The following IPO8 variants were observed in gnomAD, a reference collection of about 807,000 sequenced individuals.
The protein encoded by IPO8 is importin-8.
Under a neutral mutation model 141.2 loss-of-function variants are expected in IPO8, and 65 were observed. That is an observed-to-expected ratio of 0.46 (90% CI 0.38 to 0.57). The LOEUF (loss-of-function observed/expected upper bound fraction) is 0.57. Ranked by LOEUF, IPO8 falls within the 20% of genes least tolerant of loss-of-function variation. The pLI, the probability that IPO8 is intolerant of heterozygous loss-of-function variation, is 0.00. For synonymous variants in IPO8, 411 were observed against 420.3 expected (o/e 0.98, Z 0.27); for missense variants, 980 against 1,246.8 (o/e 0.79, Z 3.22).
intron 2 of IPO8, among the ~76,000 whole-genome samples, chr12:30,689,289 T>G (rs2053269969): frequency 6.6e-6 from 1 of 152,156 alleles, no homozygotes; most frequent in Non-Finnish European, 1.5e-5. Flanking sequence ...TAAAATGTTA[T>G]TTCTTAAATG....
intron 15 of IPO8, 141 bp from the exon 16 acceptor site, chr12:30,661,407 A>C: frequency 1.7e-6 from 1 of 571,772 alleles, no homozygotes; most frequent in Non-Finnish European, 2.8e-6. Flanking sequence ...TGACTGAATC[A>C]TCTCTCTTCT....
At chr12:30,694,981 G>C (rs954880531) in intron 1 of IPO8, 1 of 455,888 alleles carries the variant, frequency 2.2e-6, no homozygotes, top group Non-Finnish European at 4.4e-6. Flanking sequence ...ATCTTACTTT[G>C]ATGTGTCTTA....
chr12:30,649,104 C>A (rs1591827071), intron 20 of IPO8, 33 bp downstream of exon 20: 1 of 1,405,860 alleles, frequency 7.1e-7, no homozygotes, highest in South Asian at 1.2e-5. Context: ...CAAATGTAAC[C>A]CTCAAGTAAG....
At chr12:30,639,111 T>TA (rs2052543348) in intron 21 of IPO8, among the ~76,000 whole-genome samples, 1 of 152,272 alleles carries the variant, frequency 6.6e-6, no homozygotes, top group African/African-American at 2.4e-5. Context: ...TGCAAAGAGT[T>TA]AAACATTCTG....
At position 30,674,766 on chromosome 12, in the gene IPO8, A is replaced by G. The variant is rs1304820866; in HGVS notation, c.730-13T>C. 2 of 1,545,004 alleles carry G rather than the reference A, an allele frequency of 1.3e-6. No individual in the cohort carries two copies. Among genetic ancestry groups the G allele is most frequent in the South Asian group, 2.2e-5 (2 of 89,680 alleles). ...TGTGCAGAGTCTCCTAACAGGACAA[A>G]ATTACCCAGATTAAAGTTCTGCATA... is the stretch of plus-strand genomic sequence containing the variant. On this transcript the variant is annotated splice_polypyrimidine_tract_variant and intron_variant, in intron 6 of 24. Transcript: ENST00000256079.
chr12:30,669,811 A>C (rs1360583453), intron 9 of IPO8, among the ~76,000 whole-genome samples: 1 of 152,168 alleles, frequency 6.6e-6, no homozygotes, highest in Non-Finnish European at 1.5e-5. Context: ...TCCCAAAAAA[A>C]CTAATTTCCT....
intron 16 of IPO8, among the ~76,000 whole-genome samples, chr12:30,658,109 T>C (rs1009356254): frequency 3.9e-5 from 6 of 152,198 alleles, no homozygotes; most frequent in Non-Finnish European, 8.8e-5. Context: ...ATCAAGTATA[T>C]TCTAATATTC....
chr12:30,651,832 T>G (rs1268651657), intron 19 of IPO8, among the ~76,000 whole-genome samples: 1 of 152,112 alleles, frequency 6.6e-6, no homozygotes, highest in Non-Finnish European at 1.5e-5. Context: ...TACCTACATC[T>G]AGTGACTTCC....
Position 30,629,659 on chromosome 12 carries a change from T to C in IPO8, c.*1201A>G, listed in dbSNP as rs1359512283. ...AACCCTATGACCCATGTTCTGGTCT[T>C]GAACTAGGTCAGAAAAACACTGTAA... On this transcript the variant is annotated 3_prime_UTR_variant, in exon 25 of 25. Transcript: ENST00000256079. The C allele has an allele frequency of 6.6e-6, 1 of 152,230 alleles. No homozygotes were observed. Among genetic ancestry groups the C allele is most frequent in the Non-Finnish European group, 1.5e-5 (1 of 68,048 alleles). The allele number at this position is 152,230 out of a possible 1,614,324, so 9.4% of individuals were successfully genotyped here. A position where few individuals can be genotyped will look rare whatever the true frequency, so the allele number is the denominator to read the frequency against.
intron 5 of IPO8, among the ~76,000 whole-genome samples, chr12:30,679,132 C>T (rs748998762): frequency 3.3e-5 from 5 of 152,300 alleles, no homozygotes; most frequent in Middle Eastern, 3.4e-3. Flanking sequence ...ACCCACTGCA[C>T]CCGGCTGCTC....
At chr12:30,684,163 T>C (rs1591844872) in intron 3 of IPO8, 138 bp downstream of exon 3, 1 of 677,078 alleles carries the variant, frequency 1.5e-6, no homozygotes, top group Non-Finnish European at 2.4e-6. Flanking sequence ...TAAAATAATA[T>C]TCTTTGAGTG....
intron 6 of IPO8, among the ~76,000 whole-genome samples, chr12:30,676,240 T>A (rs1477287482): frequency 1.3e-5 from 2 of 152,180 alleles, no homozygotes; most frequent in Non-Finnish European, 2.9e-5. Context: ...TATACTACTT[T>A]TATAAATTAA....
chr12:30,688,241 C>T, intron 2 of IPO8: 1 of 254,466 alleles, frequency 3.9e-6, no homozygotes, highest in Non-Finnish European at 7.8e-6. Flanking sequence ...TTATCAACAC[C>T]TCAAAAGAAA....
At chr12:30,643,193 G>C (rs950288560) in intron 20 of IPO8, among the ~76,000 whole-genome samples, 4 of 152,050 alleles carry the variant, frequency 2.6e-5, no homozygotes, top group African/African-American at 9.7e-5. Flanking sequence ...CATCATGAGA[G>C]ACCACCAGAC....
At chr12:30,646,147 T>C (rs1373957859) in intron 20 of IPO8, among the ~76,000 whole-genome samples, 3 of 152,272 alleles carry the variant, frequency 2.0e-5, no homozygotes, top group East Asian at 3.9e-4. Flanking sequence ...TAGAAATACA[T>C]ACAGAGATCA....
At chr12:30,640,798 T>C (rs2052564933) in intron 20 of IPO8, among the ~76,000 whole-genome samples, 1 of 152,208 alleles carries the variant, frequency 6.6e-6, no homozygotes, top group Admixed American at 6.5e-5. Flanking sequence ...TCTATAGCAC[T>C]ATGGGATGAC....
chr12:30,656,775 GC>G, intron 16 of IPO8, 25 bp from the exon 17 acceptor site: 1 of 1,161,552 alleles, frequency 8.6e-7, no homozygotes. Flanking sequence ...TAAATATTAA[GC>G]TTAAAATTAT....
rs748880114 is a variant in IPO8, at chr12:30,695,535, A to T, written c.84+29T>A. 7.0e-5 allele frequency: 112 copies of T among 1,596,718 alleles called. 1 individual carries two copies. In the East Asian group the frequency reaches 2.5e-3, roughly 36 times the overall value. On this transcript the variant is annotated intron_variant, in intron 1 of 24. Coordinates refer to ENST00000256079, the MANE Select transcript of IPO8 (RefSeq NM_006390.4). The surrounding 1 kb of genome is among the most constrained non-coding windows in gnomAD (Gnocchi z 4.2). ...GCCGGCAGGGGCGCCCCTTCGGCGG[A>T]AGAGGGTCGCCGAAGACCCTCTCCT...
chr12:30,666,815 G>C (rs772806839), intron 10 of IPO8, among the ~76,000 whole-genome samples: 1 of 152,132 alleles, frequency 6.6e-6, no homozygotes, highest in Non-Finnish European at 1.5e-5. Flanking sequence ...AGCAGAAATT[G>C]AATGAAATGA....
Sources: gnomAD v4.1 joint callset for allele counts (sites outside exome capture counted in the v4.1 genomes callset) on GRCh38, gnomAD v4.1.1 for gene constraint, Gnocchi (gnomAD v3.1) non-coding constraint, MANE v1.5 for transcripts, NCBI Gene and HGNC (gene_info 2026-07-23, HGNC 2026-07-21) for gene names.